The following CEP162 variants were observed in gnomAD, a reference collection of about 807,000 sequenced individuals.
CEP162 encodes centrosomal protein of 162 kDa.
A neutral mutation model predicts 169.2 loss-of-function variants in CEP162; 141 were observed. The ratio of observed to expected loss-of-function variants is 0.83; its 90% confidence interval spans 0.73 to 0.96. CEP162 has a LOEUF of 0.96. Ranked by LOEUF, CEP162 falls within the 40% of genes least tolerant of loss-of-function variation. CEP162 has a pLI of 0.00. For synonymous variants in CEP162, 540 were observed against 526.4 expected (o/e 1.03, Z -0.35); for missense variants, 1,600 against 1,587.2 (o/e 1.01, Z -0.14).
Position 84,188,692 on chromosome 6 carries a change from CAT to C in CEP162, c.1110-2071_1110-2070del, listed in dbSNP as rs369113458. Among the ~76,000 whole-genome samples, 226 of 152,246 alleles carry C rather than the reference CAT, an allele frequency of 1.5e-3. 4 individuals are homozygous for C. The highest frequency in any genetic ancestry group is 9.7e-3 in the Admixed American group (149 of 15,296). Reference sequence around the variant, plus strand: ...ATCTTGTGAACAGTGCTGCAATGAACATATGCATGCATATGTCTTTATGGTAG... The same window carrying C: ...ATCTTGTGAACAGTGCTGCAATGAACATGCATGCATATGTCTTTATGGTAG... On this transcript the variant is annotated intron_variant, in intron 11 of 26. Coordinates refer to ENST00000403245, the MANE Select transcript of CEP162 (RefSeq NM_014895.4).
chr6:84,185,178 T>C lies in CEP162; in HGVS notation c.1663+9A>G. On this transcript the variant is annotated intron_variant, in intron 13 of 26. Coordinates refer to ENST00000403245, the MANE Select transcript of CEP162 (RefSeq NM_014895.4). ...AAAACAATATACTAAATAAAGAGTATATGATTACCTTTTTTCCTAGGTTGA... is the reference window on the plus strand; with the variant it reads ...AAAACAATATACTAAATAAAGAGTACATGATTACCTTTTTTCCTAGGTTGA... 6.2e-7 allele frequency: 1 copy of C among 1,601,520 alleles called. No homozygotes were observed. Among genetic ancestry groups the C allele is most frequent in the South Asian group, 1.1e-5 (1 of 90,720 alleles).
rs541393961 is a variant in CEP162, at chr6:84,194,674, A to C, written c.1027+210T>G. On this transcript the variant is annotated intron_variant, in intron 10 of 26. Coordinates refer to ENST00000403245, the MANE Select transcript of CEP162 (RefSeq NM_014895.4). ...TCACCATGTTGCCCAGGATGGTCTC[A>C]ATCTCTTGACCTCGTGATCCACCCA... 3.4e-3 allele frequency among the ~76,000 whole-genome samples: 523 copies of C among 152,116 alleles called. 3 individuals are homozygous for C. Among genetic ancestry groups the C allele is most frequent in the African/African-American group, 0.012 (481 of 41,528 alleles).
Position 84,193,620 on chromosome 6 carries a change from TA to T in CEP162, c.1097del (p.Leu366TyrfsTer23). 3 of 1,554,654 alleles carry T rather than the reference TA, an allele frequency of 1.9e-6. No individual in the cohort carries two copies. Among genetic ancestry groups the T allele is most frequent in the Non-Finnish European group, 2.6e-6 (3 of 1,146,652 alleles). On this transcript the variant is annotated frameshift_variant, in exon 11 of 27. Transcript: ENST00000403245. LOFTEE classifies it high-confidence loss of function. ...TAAAAAATTCATACCTGACAGGTTG[TA>T]AATCAAAACCACTGATCCCAAAGGA... ...IDSFGISGFD[L>X]QPVSSEKVAE... is the part of the protein sequence containing the mutation.
chr6:84,201,662 T>C (rs1052900924), intron 8 of CEP162, 75 bp downstream of exon 8: 4 of 737,600 alleles, frequency 5.4e-6, no homozygotes, highest in Non-Finnish European at 9.0e-6. Flanking sequence ...TAGTGACTCA[T>C]TCAGAATTAC....
At chr6:84,132,630 C>T (rs965355414) in intron 25 of CEP162, among the ~76,000 whole-genome samples, 22 of 152,248 alleles carry the variant, frequency 1.4e-4, no homozygotes, top group African/African-American at 5.1e-4. Flanking sequence ...TCCACTTGAT[C>T]GAATTGGCTA....
intron 13 of CEP162, among the ~76,000 whole-genome samples, chr6:84,184,466 T>C (rs1036905811): frequency 2.7e-4 from 41 of 152,148 alleles, no homozygotes; most frequent in African/African-American, 9.9e-4. Flanking sequence ...GTCCACTTTA[T>C]TGATCATCTC....
intron 25 of CEP162, among the ~76,000 whole-genome samples, chr6:84,131,660 C>T (rs368347014): frequency 1.9e-4 from 27 of 142,262 alleles, no homozygotes; most frequent in African/African-American, 4.7e-4. Context: ...GGATTGCAAC[C>T]GCTGCTTTTT....
chr6:84,186,804 A>G (rs936351984), intron 11 of CEP162, among the ~76,000 whole-genome samples, 181 bp from the exon 12 acceptor site: 1 of 152,160 alleles, frequency 6.6e-6, no homozygotes, highest in East Asian at 1.9e-4. Context: ...ACATAGTGTA[A>G]TTGCTTTTAA....
At position 84,174,864 on chromosome 6, in the gene CEP162, G is replaced by C. The variant is rs139795116; in HGVS notation, c.1888C>G (p.Gln630Glu). 718 of 1,556,102 alleles carry C rather than the reference G, an allele frequency of 4.6e-4. No homozygotes were observed. The highest frequency in any genetic ancestry group is 6.0e-4 in the Non-Finnish European group (687 of 1,145,448). The change falls in exon 15 of 27, where the codon CAA becomes GAA. Residue 630 changes from glutamine to glutamate, a missense_variant. Physicochemically the swap from Gln to Glu is conservative, Grantham distance 29. Transcript: ENST00000403245. ...GCTTTAATTTGCTCAATTAGGGCTTGCGCACCCCTCCATTTATCCTCTGCT... is the reference window on the plus strand; with the variant it reads ...GCTTTAATTTGCTCAATTAGGGCTTCCGCACCCCTCCATTTATCCTCTGCT... ...QEAEDKWRGA[Q>E]ALIEQIKATF... is the part of the protein sequence containing the mutation.
intron 9 of CEP162, among the ~76,000 whole-genome samples, chr6:84,198,778 T>C (rs1055439429): frequency 1.3e-5 from 2 of 152,124 alleles, no homozygotes; most frequent in Non-Finnish European, 2.9e-5. Flanking sequence ...CTATATATTA[T>C]CTCAGTTGAC....
At chr6:84,130,030 G>A (rs187719197) in intron 25 of CEP162, among the ~76,000 whole-genome samples, 47 of 152,236 alleles carry the variant, frequency 3.1e-4, no homozygotes, top group East Asian at 1.4e-3. Flanking sequence ...TTTGTGATAC[G>A]TTCCATCAAT....
intron 23 of CEP162, among the ~76,000 whole-genome samples, chr6:84,151,020 G>A (rs569353704): frequency 3.7e-4 from 56 of 152,218 alleles, no homozygotes; most frequent in African/African-American, 1.3e-3. Flanking sequence ...TTGGGGGTAG[G>A]AGAAGGCAAT....
intron 1 of CEP162, 133 bp from the exon 2 acceptor site, chr6:84,226,585 A>G (rs1023566117): frequency 7.4e-5 from 42 of 566,166 alleles, no homozygotes; most frequent in Non-Finnish European, 1.2e-4. Flanking sequence ...GAGCTGGTCA[A>G]GAGATTCCTA....
At chr6:84,141,336 G>A (rs977092526) in intron 25 of CEP162, among the ~76,000 whole-genome samples, 6 of 151,958 alleles carry the variant, frequency 3.9e-5, no homozygotes, top group African/African-American at 1.4e-4. Context: ...TTTAAAAGAG[G>A]GCATAAAAGA....
intron 23 of CEP162, among the ~76,000 whole-genome samples, chr6:84,152,293 C>G (rs1002317301): frequency 1.3e-5 from 2 of 152,150 alleles, no homozygotes; most frequent in African/African-American, 2.4e-5. Context: ...TGCCAAAAGG[C>G]AAGACTGGCG....
At chr6:84,195,350 C>T (rs2099541691) in intron 9 of CEP162, among the ~76,000 whole-genome samples, 1 of 152,210 alleles carries the variant, frequency 6.6e-6, no homozygotes, top group African/African-American at 2.4e-5. Flanking sequence ...CTCTGCATAA[C>T]TATTCTTAAG....
chr6:84,156,883 T>G (rs1257128106), intron 21 of CEP162, among the ~76,000 whole-genome samples: 2 of 152,098 alleles, frequency 1.3e-5, no homozygotes, highest in African/African-American at 4.8e-5. Context: ...ACTCCACATG[T>G]TCTCACTTGA....
intron 23 of CEP162, among the ~76,000 whole-genome samples, chr6:84,151,973 T>C (rs948024157): frequency 6.6e-6 from 1 of 151,910 alleles, no homozygotes; most frequent in Non-Finnish European, 1.5e-5. Context: ...CAGGATTGGA[T>C]TGGAACCTGA....
At chr6:84,157,929 C>A (rs1270896062) in intron 21 of CEP162, among the ~76,000 whole-genome samples, 1 of 152,098 alleles carries the variant, frequency 6.6e-6, no homozygotes, top group African/African-American at 2.4e-5. Context: ...AAAATGATTT[C>A]TTTTAATTGG....
Sources: gnomAD v4.1 joint callset for allele counts (sites outside exome capture counted in the v4.1 genomes callset) on GRCh38, gnomAD v4.1.1 for gene constraint, MANE v1.5 for transcripts, NCBI Gene and HGNC (gene_info 2026-07-23, HGNC 2026-07-21) for gene names.